Variants in BZW1 observed in about 807,000 individuals in gnomAD.
BZW1 encodes eIF5-mimic protein 2.
BZW1 carries 3 observed loss-of-function variants against 54.1 expected under a neutral mutation model. The observed-to-expected ratio is 0.06, with a 90% CI of 0.03 to 0.14. The LOEUF (loss-of-function observed/expected upper bound fraction) is 0.14. BZW1 is among the 10% of genes least tolerant of loss of function. BZW1 has a pLI of 1.00. For missense variants in BZW1, 206 were observed against 491.7 expected (o/e 0.42, Z 5.50); for synonymous variants, 152 against 162.7 (o/e 0.93, Z 0.50).
chr2:200,821,897 C>T (rs868219608), intron 11 of BZW1, among the ~76,000 whole-genome samples: 2 of 152,182 alleles, frequency 1.3e-5, no homozygotes, highest in Non-Finnish European at 1.5e-5. Flanking sequence ...ATGGGAAACC[C>T]AGTCTCTACT....
chr2:200,812,621 C>T, intron 1 of BZW1: 2 of 1,323,318 alleles, frequency 1.5e-6, no homozygotes, highest in African/African-American at 1.5e-5. Flanking sequence ...AGACACGTTA[C>T]CGGGGAGGAG....
At position 200,817,013 on chromosome 2, in the gene BZW1, G is replaced by A. The variant is rs550676361; in HGVS notation, c.403-93G>A. On this transcript the variant is annotated intron_variant, in intron 5 of 11. Coordinates refer to ENST00000409600, the MANE Select transcript of BZW1 (RefSeq NM_001207067.2). ...TGGATGGTTAGATCCCAGAGCCCAC[G>A]TATTGAACAGGTAGCCAGTATAACA... 48 of 1,428,288 alleles carry A rather than the reference G, an allele frequency of 3.4e-5. No homozygotes were observed. In the South Asian group the frequency reaches 5.7e-4, roughly 17 times the overall value. 88.5% of individuals were successfully genotyped at this position (1,428,288 alleles called of 1,614,324 possible).
chr2:200,817,404 G>A (rs1345907670), intron 6 of BZW1, among the ~76,000 whole-genome samples, 163 bp downstream of exon 6: 1 of 152,122 alleles, frequency 6.6e-6, no homozygotes, highest in Admixed American at 6.5e-5. Flanking sequence ...GAATACCTTT[G>A]GCATCCAGGT....
rs535388774 is a variant in BZW1, at chr2:200,826,849, T to C, written c.*4671T>C. On this transcript the variant is annotated 3_prime_UTR_variant, in exon 12 of 12. Transcript: ENST00000409600. ...TCAAATATAATTGAGCTGTTCTGTT[T>C]CCAGTCAGTGTAACCATTTAAAAAT... 7 of 152,302 alleles carry C rather than the reference T, an allele frequency of 4.6e-5. No homozygotes were observed. Among genetic ancestry groups the C allele is most frequent in the African/African-American group, 1.7e-4 (7 of 41,564 alleles). The allele number at this position is 152,302 out of a possible 1,614,324, so 9.4% of individuals were successfully genotyped here. A position where few individuals can be genotyped will look rare whatever the true frequency, so the allele number is the denominator to read the frequency against.
chr2:200,816,680 A>G (rs1251638513), intron 5 of BZW1, among the ~76,000 whole-genome samples: 1 of 152,176 alleles, frequency 6.6e-6, no homozygotes, highest in Non-Finnish European at 1.5e-5. Flanking sequence ...TAGTAGAGAC[A>G]GGGTTTCACC....
rs566974628 is a variant in BZW1, at chr2:200,822,231, A to G, written c.*53A>G. The G allele has an allele frequency of 1.1e-4, 162 of 1,459,706 alleles. No individual in the cohort carries two copies. Among genetic ancestry groups the G allele is most frequent in the East Asian group, 2.8e-4 (12 of 43,110 alleles). 90.4% of individuals were successfully genotyped at this position (1,459,706 alleles called of 1,614,324 possible). A position where few individuals can be genotyped will look rare whatever the true frequency, so the allele number is the denominator to read the frequency against. The stretch of plus-strand genomic sequence containing the variant: ...AAACAGGAGTTGTAGATAAAATGTC[A>G]TGTCTCATGTGTCCTGGTTCTTACA... On this transcript the variant is annotated 3_prime_UTR_variant, in exon 12 of 12. Coordinates refer to ENST00000409600, the MANE Select transcript of BZW1 (RefSeq NM_001207067.2).
At position 200,826,218 on chromosome 2, in the gene BZW1, ACTC is replaced by A. The variant is rs1384141625; in HGVS notation, c.*4043_*4045del. On this transcript the variant is annotated 3_prime_UTR_variant, in exon 12 of 12. Transcript: ENST00000409600. The stretch of plus-strand genomic sequence containing the variant: ...GAAACTGGATCAGAAAGGCTTTCTG[ACTC>A]CTTTCTCTTCACTTTTTTCTCCCAG... The A allele has an allele frequency of 6.6e-6, 1 of 151,588 alleles. No individual in the cohort carries two copies. The highest frequency in any genetic ancestry group is 1.5e-5 in the Non-Finnish European group (1 of 67,920). The allele number at this position is 151,588 out of a possible 1,614,324, so 9.4% of individuals were successfully genotyped here. A position where few individuals can be genotyped will look rare whatever the true frequency, so the allele number is the denominator to read the frequency against.
chr2:200,819,930 T>C (rs771013458), intron 9 of BZW1, 52 bp from the exon 10 acceptor site: 17 of 1,425,266 alleles, frequency 1.2e-5, no homozygotes, highest in Admixed American at 2.9e-5. Context: ...AGTTTTGTAA[T>C]GGATGGTTAT....
rs1010587098 is a variant in BZW1, at chr2:200,812,400, G to A, written c.-11+410G>A. ...CCTCCGCCGCTGCTTTCGCTGGAGG[G>A]CGGGCGGATGTACGGGGCGCCTGGG... On this transcript the variant is annotated intron_variant, in intron 1 of 11. Coordinates refer to ENST00000409600, the MANE Select transcript of BZW1 (RefSeq NM_001207067.2). 4 of 1,281,462 alleles carry A rather than the reference G, an allele frequency of 3.1e-6. No homozygotes were observed. The East Asian group carries it at 1.2e-4, about 40-fold the overall frequency. 79.4% of individuals were successfully genotyped at this position (1,281,462 alleles called of 1,614,324 possible). A position where few individuals can be genotyped will look rare whatever the true frequency, so the allele number is the denominator to read the frequency against.
chr2:200,822,254 AC>A lies in BZW1; in HGVS notation c.*77del. On this transcript the variant is annotated 3_prime_UTR_variant, in exon 12 of 12. Coordinates refer to ENST00000409600, the MANE Select transcript of BZW1 (RefSeq NM_001207067.2). ...TCATGTCTCATGTGTCCTGGTTCTT[AC>A]ATCTTCCTACCTCCCTGTATCAAGC... 3 of 1,259,842 alleles carry A rather than the reference AC, an allele frequency of 2.4e-6. No homozygotes were observed. The highest frequency in any genetic ancestry group is 3.4e-6 in the Non-Finnish European group (3 of 883,830). 78.0% of individuals were successfully genotyped at this position (1,259,842 alleles called of 1,614,324 possible). A position where few individuals can be genotyped will look rare whatever the true frequency, so the allele number is the denominator to read the frequency against.
chr2:200,814,078 C>CT (rs1423652784), intron 2 of BZW1, among the ~76,000 whole-genome samples: 7 of 152,090 alleles, frequency 4.6e-5, no homozygotes, highest in African/African-American at 1.7e-4. Context: ...GGTGGGGAGA[C>CT]CAAAGTGTGA....
rs1019133352 is a variant in BZW1, at chr2:200,818,939, C to T, written c.966+38C>T. 5 of 1,516,542 alleles carry T rather than the reference C, an allele frequency of 3.3e-6. No homozygotes were observed. The African/African-American group carries it at 7.1e-5, about 22-fold the overall frequency. 93.9% of individuals were successfully genotyped at this position (1,516,542 alleles called of 1,614,324 possible). On this transcript the variant is annotated intron_variant, in intron 9 of 11. Coordinates refer to ENST00000409600, the MANE Select transcript of BZW1 (RefSeq NM_001207067.2). ...TGCCTTGACAAAACAAACTATTCTGCTTTCACGTGGTGATAAGTGAACTGT... is the reference window on the plus strand; with the variant it reads ...TGCCTTGACAAAACAAACTATTCTGTTTTCACGTGGTGATAAGTGAACTGT...
chr2:200,812,359 A>G (rs1441265821), intron 1 of BZW1: 10 of 1,280,662 alleles, frequency 7.8e-6, no homozygotes, highest in Non-Finnish European at 9.8e-6. Flanking sequence ...GCCACCCACC[A>G]CCGCTGCGGC....
chr2:200,815,944 T>C (rs919885575), intron 4 of BZW1, among the ~76,000 whole-genome samples, 183 bp downstream of exon 4: 2 of 152,208 alleles, frequency 1.3e-5, no homozygotes, highest in African/African-American at 4.8e-5. Context: ...GCGAACAAAA[T>C]AGGGAAAAAT....
chr2:200,818,927 C>T (rs746868014), intron 9 of BZW1, 26 bp downstream of exon 9: 1 of 1,531,678 alleles, frequency 6.5e-7, no homozygotes. Flanking sequence ...CTTGACAAAA[C>T]AAACTATTCT....
In BZW1 at chr2:200,824,106, T is replaced by C. The variant is rs898579099; in HGVS notation, c.*1928T>C. The C allele has an allele frequency of 1.6e-4, 25 of 152,202 alleles. No individual in the cohort carries two copies. Among genetic ancestry groups the C allele is most frequent in the Non-Finnish European group, 3.2e-4 (22 of 68,026 alleles). 9.4% of individuals were successfully genotyped at this position (152,202 alleles called of 1,614,324 possible). A position where few individuals can be genotyped will look rare whatever the true frequency, so the allele number is the denominator to read the frequency against. On this transcript the variant is annotated 3_prime_UTR_variant, in exon 12 of 12. Transcript: ENST00000409600. Reference sequence around the variant, plus strand: ...TGTGTCATCTTCCAGAACTACATTATTATCTTTGATCGTAGTTTGTTTCTT... The same window carrying C: ...TGTGTCATCTTCCAGAACTACATTACTATCTTTGATCGTAGTTTGTTTCTT...
intron 1 of BZW1, 165 bp from the exon 2 acceptor site, chr2:200,813,043 A>G: frequency 1.4e-6 from 1 of 694,258 alleles, no homozygotes; most frequent in Non-Finnish European, 2.7e-6. Context: ...CATTTGATTC[A>G]AGTGCAGGTA....
intron 1 of BZW1, chr2:200,812,473 G>A: frequency 6.0e-6 from 8 of 1,335,502 alleles, no homozygotes; most frequent in Non-Finnish European, 5.8e-6. Flanking sequence ...CGTTGCGGCG[G>A]CCGCCACCGC....
intron 2 of BZW1, among the ~76,000 whole-genome samples, chr2:200,813,756 AAGTATTAGAATT>A (rs572184432): frequency 1.2e-4 from 18 of 152,298 alleles, no homozygotes; most frequent in African/African-American, 4.3e-4. Context: ...TTAGTAGAAA[AAGTATTAGAATT>A]ATATTACTAT....
Sources: gnomAD v4.1 joint callset for allele counts (sites outside exome capture counted in the v4.1 genomes callset) on GRCh38, gnomAD v4.1.1 for gene constraint, MANE v1.5 for transcripts, NCBI Gene and HGNC (gene_info 2026-07-23, HGNC 2026-07-21) for gene names.